DYM: variants seen among roughly 807,000 people sequenced by gnomAD.
The protein encoded by DYM is dymeclin, also known as dyggve-Melchior-Clausen syndrome protein.
Under a neutral mutation model 93.1 loss-of-function variants are expected in DYM, and 78 were observed. That is an observed-to-expected ratio of 0.84 (90% CI 0.70 to 1.01). The LOEUF (loss-of-function observed/expected upper bound fraction) is 1.01. Among genes scored for constraint, DYM ranks in the 50% least tolerant of loss-of-function variants. The pLI is 0.00. For missense variants in DYM, 789 were observed against 845.0 expected (o/e 0.93, Z 0.82); for synonymous variants, 321 against 319.7 (o/e 1.00, Z -0.04).
chr18:49,081,588 G>C (rs2078044072), intron 17 of DYM, among the ~76,000 whole-genome samples: 1 of 151,038 alleles, frequency 6.6e-6, no homozygotes, highest in East Asian at 2.0e-4. Flanking sequence ...AGAGATTCTT[G>C]TCTGGGCTAG....
At position 49,079,861 on chromosome 18, in the gene DYM, C is replaced by T. The variant is rs553150720; in HGVS notation, c.2025+17541G>A. 6.6e-3 allele frequency among the ~76,000 whole-genome samples: 996 copies of T among 151,538 alleles called. 6 individuals are homozygous for T. The highest frequency in any genetic ancestry group is 0.014 in the Middle Eastern group (4 of 290). On this transcript the variant is annotated intron_variant, in intron 17 of 17. Transcript: ENST00000675505. The stretch of plus-strand genomic sequence containing the variant: ...CTCAATCTTTTCCCCACCTTCCCCC[C>T]CTTTCTATTCCACAAAACCGCCATT...
At chr18:49,139,104 A>C (rs2084175353) in intron 15 of DYM, among the ~76,000 whole-genome samples, 1 of 152,142 alleles carries the variant, frequency 6.6e-6, no homozygotes, top group Non-Finnish European at 1.5e-5. Context: ...TCAAAAATTT[A>C]TTGTACATGA....
chr18:49,305,068 C>T (rs2061193571), intron 8 of DYM, among the ~76,000 whole-genome samples: 2 of 152,152 alleles, frequency 1.3e-5, no homozygotes, highest in Non-Finnish European at 2.9e-5. Flanking sequence ...TTGACCCGCT[C>T]TGTTATCTCT....
intron 15 of DYM, among the ~76,000 whole-genome samples, chr18:49,132,731 A>T (rs2083478065): frequency 6.6e-6 from 1 of 152,200 alleles, no homozygotes; most frequent in Non-Finnish European, 1.5e-5. Flanking sequence ...TTGTGCTAAA[A>T]GGGTTACAAT....
chr18:49,202,522 G>C (rs535651105), intron 14 of DYM, among the ~76,000 whole-genome samples: 1 of 135,276 alleles, frequency 7.4e-6, no homozygotes, highest in Non-Finnish European at 1.6e-5. Flanking sequence ...GTCTCCGCCC[G>C]GCCGCCATCC....
chr18:49,184,364 T>A (rs1277374034), intron 14 of DYM, among the ~76,000 whole-genome samples: 2 of 152,084 alleles, frequency 1.3e-5, no homozygotes, highest in African/African-American at 2.4e-5. Context: ...AGACATTCCA[T>A]AAGTTCTCTT....
chr18:49,398,110 G>A (rs1018965308), intron 2 of DYM, among the ~76,000 whole-genome samples: 2 of 152,042 alleles, frequency 1.3e-5, no homozygotes, highest in South Asian at 2.1e-4. Flanking sequence ...AAAAGATATC[G>A]TCTTTTTAAA....
chr18:49,228,175 C>T (rs989873933), intron 13 of DYM, among the ~76,000 whole-genome samples: 3 of 152,142 alleles, frequency 2.0e-5, no homozygotes, highest in African/African-American at 4.8e-5. Context: ...TATTTATTAA[C>T]TGGAGTAAAT....
chr18:49,398,170 C>T (rs1239366156), intron 2 of DYM, among the ~76,000 whole-genome samples: 1 of 151,940 alleles, frequency 6.6e-6, no homozygotes, highest in Non-Finnish European at 1.5e-5. Flanking sequence ...AACAAAATAA[C>T]CTAGAAGTGA....
chr18:49,200,198 A>G (rs1312953457), intron 14 of DYM, among the ~76,000 whole-genome samples: 1 of 152,046 alleles, frequency 6.6e-6, no homozygotes, highest in African/African-American at 2.4e-5. Flanking sequence ...GGTGGTTGGG[A>G]GGAGGGTAGA....
At chr18:49,149,553 T>C (rs1160579669) in intron 15 of DYM, among the ~76,000 whole-genome samples, 1 of 152,122 alleles carries the variant, frequency 6.6e-6, no homozygotes, top group Non-Finnish European at 1.5e-5. Flanking sequence ...GAAATTATTA[T>C]ATATCCCTCC....
intron 2 of DYM, among the ~76,000 whole-genome samples, chr18:49,391,847 T>G (rs1296550617): frequency 6.6e-6 from 1 of 152,062 alleles, no homozygotes; most frequent in Non-Finnish European, 1.5e-5. Context: ...TTTCTAAATA[T>G]GAGACTCCTA....
intron 9 of DYM, among the ~76,000 whole-genome samples, chr18:49,284,503 T>A (rs1205871732): frequency 6.6e-6 from 1 of 152,182 alleles, no homozygotes; most frequent in Non-Finnish European, 1.5e-5. Context: ...AGATACCATA[T>A]ACTGAATACC....
At chr18:49,332,046 G>C (rs766412094) in intron 7 of DYM, 40 bp from the exon 8 acceptor site, 1 of 1,582,800 alleles carries the variant, frequency 6.3e-7, no homozygotes, top group Non-Finnish European at 8.7e-7. Context: ...CATATTTATG[G>C]GAGTCATCTA....
intron 15 of DYM, among the ~76,000 whole-genome samples, chr18:49,129,696 A>T (rs2083204616): frequency 6.6e-6 from 1 of 152,160 alleles, no homozygotes; most frequent in Non-Finnish European, 1.5e-5. Context: ...GGAGCAGGCG[A>T]CTGAAGAGGG....
chr18:49,054,541 C>A (rs148789114), intron 17 of DYM, among the ~76,000 whole-genome samples: 8 of 152,238 alleles, frequency 5.3e-5, no homozygotes, highest in African/African-American at 1.9e-4. Flanking sequence ...CTGTGCTGGG[C>A]CAGAACTAAA....
intron 16 of DYM, among the ~76,000 whole-genome samples, chr18:49,106,427 T>C (rs2080817898): frequency 6.6e-6 from 1 of 152,216 alleles, no homozygotes; most frequent in African/African-American, 2.4e-5. Flanking sequence ...TATTGTTATG[T>C]GTGAATTTGA....
chr18:49,080,789 C>T (rs1346801042), intron 17 of DYM, among the ~76,000 whole-genome samples: 2 of 138,472 alleles, frequency 1.4e-5, no homozygotes, highest in African/African-American at 2.8e-5. Flanking sequence ...TCAGACGGGG[C>T]GGATGCCGGG....
At chr18:49,377,941 G>C (rs2067668034) in intron 5 of DYM, among the ~76,000 whole-genome samples, 1 of 152,190 alleles carries the variant, frequency 6.6e-6, no homozygotes, top group African/African-American at 2.4e-5. Flanking sequence ...AGCCTGATGA[G>C]GGCAGAGATC....
Sources: allele counts gnomAD v4.1 joint callset (sites outside exome capture counted in the v4.1 genomes callset), GRCh38; gene constraint gnomAD v4.1.1; transcripts MANE v1.5; gene names NCBI Gene and HGNC (gene_info 2026-07-23, HGNC 2026-07-21).